Variants in TRIQK observed in about 807,000 individuals in gnomAD.
TRIQK encodes the protein triple QxxK/R motif containing.
TRIQK carries 10 observed loss-of-function variants against 10.8 expected under a neutral mutation model. The observed-to-expected ratio is 0.92, with a 90% confidence interval of 0.57 to 1.57. The LOEUF (loss-of-function observed/expected upper bound fraction) is 1.57, where lower values mean the gene tolerates loss of function less well. Among genes scored for constraint, TRIQK ranks in the 40% most tolerant of loss-of-function variants. TRIQK has a pLI of 0.00. For synonymous variants in TRIQK, 33 were observed against 33.7 expected (o/e 0.98, Z 0.07); for missense variants, 107 against 97.7 (o/e 1.09, Z -0.40).
chr8:92,951,492 G>A (rs1383148250), intron 2 of TRIQK, among the ~76,000 whole-genome samples: 1 of 151,944 alleles, frequency 6.6e-6, no homozygotes, highest in Non-Finnish European at 1.5e-5. Context: ...CCAGTGCTGT[G>A]GTAGAAAAAC....
chr8:93,016,525 T>G (rs551880360), intron 1 of TRIQK, among the ~76,000 whole-genome samples: 1 of 152,356 alleles, frequency 6.6e-6, no homozygotes, highest in Non-Finnish European at 1.5e-5. Flanking sequence ...TGCAAAAAAT[T>G]TACAAAGTTT....
Position 92,939,764 on chromosome 8 carries a change from C to T in TRIQK, c.-22+14642G>A, listed in dbSNP as rs532637437. ...ATGTAGGCACTAGTCCTGCTTGATCCGAGAGGTCAAACAGCCACTCAATTC... is the reference window on the plus strand; with the variant it reads ...ATGTAGGCACTAGTCCTGCTTGATCTGAGAGGTCAAACAGCCACTCAATTC... On this transcript the variant is annotated intron_variant, in intron 2 of 4. Coordinates refer to ENST00000521988, the MANE Select transcript of TRIQK (RefSeq NM_001171797.2). Among the ~76,000 whole-genome samples, 34 of 152,168 alleles carry T rather than the reference C, an allele frequency of 2.2e-4. 2 individuals carry two copies. The South Asian group carries it at 4.6e-3, about 20-fold the overall frequency.
chr8:92,889,599 G>T, intron 4 of TRIQK, among the ~76,000 whole-genome samples: 1 of 151,556 alleles, frequency 6.6e-6, no homozygotes, highest in Non-Finnish European at 1.5e-5. Flanking sequence ...GACAAACACT[G>T]AAGGAGAGAC....
At chr8:92,962,900 G>A (rs981611993) in intron 1 of TRIQK, among the ~76,000 whole-genome samples, 1 of 152,186 alleles carries the variant, frequency 6.6e-6, no homozygotes, top group Non-Finnish European at 1.5e-5. Context: ...AGGAGTAAAA[G>A]GGGATAGGAA....
intron 3 of TRIQK, among the ~76,000 whole-genome samples, chr8:92,896,224 G>A (rs1294174466): frequency 2.0e-5 from 3 of 152,162 alleles, no homozygotes; most frequent in East Asian, 3.9e-4. Context: ...TGTGGCTTAA[G>A]CAGGCCCAGG....
intron 2 of TRIQK, among the ~76,000 whole-genome samples, chr8:92,945,625 G>C (rs1811490241): frequency 6.6e-6 from 1 of 152,174 alleles, no homozygotes; most frequent in African/African-American, 2.4e-5. Context: ...GGACAGCTTA[G>C]TGACCAACTT....
chr8:92,982,938 A>C (rs763718789), intron 1 of TRIQK, among the ~76,000 whole-genome samples: 5 of 151,930 alleles, frequency 3.3e-5, no homozygotes, highest in Non-Finnish European at 5.9e-5. Context: ...TATTCAATCT[A>C]TAAGTGACAC....
chr8:92,954,144 T>C (rs1418107719), intron 2 of TRIQK: 2 of 151,956 alleles, frequency 1.3e-5, no homozygotes, highest in Non-Finnish European at 2.9e-5. Flanking sequence ...TTGATAATAC[T>C]AAATATTTAA....
chr8:92,984,404 T>C (rs139451994), intron 1 of TRIQK, among the ~76,000 whole-genome samples: 251 of 152,210 alleles, frequency 1.6e-3, no homozygotes, highest in Non-Finnish European at 3.0e-3. Flanking sequence ...ATTCAGATTA[T>C]GTCAAGGGGG....
intron 1 of TRIQK, among the ~76,000 whole-genome samples, chr8:93,011,097 T>G (rs1218699793): frequency 6.6e-6 from 1 of 151,972 alleles, no homozygotes; most frequent in African/African-American, 2.4e-5. Flanking sequence ...TCTGTGCTAA[T>G]GGACCGTATA....
chr8:92,894,284 G>A (rs1487992467), intron 3 of TRIQK, among the ~76,000 whole-genome samples: 1 of 152,052 alleles, frequency 6.6e-6, no homozygotes, highest in Admixed American at 6.6e-5. Flanking sequence ...ACATTTACAG[G>A]AGTGTCTGGT....
In TRIQK at chr8:92,926,661, G is replaced by A. The variant is rs372227703; in HGVS notation, c.-21-9651C>T. ...TCAAGTAATAATCATAGCACACTACGTCCATGAGTCACTTTAACAAGAAAA... is the reference window on the plus strand; with the variant it reads ...TCAAGTAATAATCATAGCACACTACATCCATGAGTCACTTTAACAAGAAAA... On this transcript the variant is annotated intron_variant, in intron 2 of 4. Coordinates refer to ENST00000521988, the MANE Select transcript of TRIQK (RefSeq NM_001171797.2). Among the ~76,000 whole-genome samples the A allele has an allele frequency of 5.7e-4, 87 of 152,202 alleles. 1 individual carries two copies. Among genetic ancestry groups the A allele is most frequent in the African/African-American group, 1.5e-3 (62 of 41,518 alleles).
chr8:92,984,509 A>T (rs1813014023), intron 1 of TRIQK, among the ~76,000 whole-genome samples: 1 of 152,176 alleles, frequency 6.6e-6, no homozygotes, highest in Non-Finnish European at 1.5e-5. Flanking sequence ...ATAAAAAAGA[A>T]AGCATAATAT....
At chr8:92,922,256 T>C (rs1017057737) in intron 2 of TRIQK, 1 of 151,834 alleles carries the variant, frequency 6.6e-6, no homozygotes, top group African/African-American at 2.4e-5. Flanking sequence ...AGATACATTA[T>C]AATTTATTCA....
chr8:92,931,720 C>A (rs1272380804), intron 2 of TRIQK, among the ~76,000 whole-genome samples: 1 of 152,078 alleles, frequency 6.6e-6, no homozygotes, highest in Admixed American at 6.5e-5. Context: ...ACCATCCAAG[C>A]CAGAACACTT....
intron 1 of TRIQK, chr8:92,964,902 C>T (rs7016705): frequency 0.1 from 15,636 of 152,198 alleles, 1,917 homozygotes; most frequent in African/African-American, 0.29. Flanking sequence ...GCCAATGCTC[C>T]TCCCAATGTT....
chr8:93,001,786 C>T (rs1383719152), intron 1 of TRIQK, among the ~76,000 whole-genome samples: 2 of 152,112 alleles, frequency 1.3e-5, no homozygotes, highest in African/African-American at 2.4e-5. Flanking sequence ...TGATCAAATG[C>T]ACCTAACACA....
chr8:92,983,807 T>C (rs1813007754), intron 1 of TRIQK, among the ~76,000 whole-genome samples: 1 of 151,970 alleles, frequency 6.6e-6, no homozygotes, highest in African/African-American at 2.4e-5. Context: ...CTTTTCAATT[T>C]CCTCACTTAA....
At chr8:92,934,392 A>G (rs1333796153) in intron 2 of TRIQK, among the ~76,000 whole-genome samples, 2 of 151,984 alleles carry the variant, frequency 1.3e-5, no homozygotes, top group Non-Finnish European at 2.9e-5. Context: ...AGACAGAACT[A>G]ACAATAAGTA....
Sources: gnomAD v4.1 joint callset for allele counts (sites outside exome capture counted in the v4.1 genomes callset) on GRCh38, gnomAD v4.1.1 for gene constraint, MANE v1.5 for transcripts, NCBI Gene and HGNC (gene_info 2026-07-23, HGNC 2026-07-21) for gene names.